Variants in ZFHX4 observed in about 807,000 individuals in gnomAD.
The protein encoded by ZFHX4 is zinc finger homeobox protein 4.
In ZFHX4, 56 loss-of-function variants were observed where a neutral mutation model predicts 267.6. The observed-to-expected ratio is 0.21, with a 90% CI of 0.17 to 0.26. The LOEUF (loss-of-function observed/expected upper bound fraction) is 0.26, where lower values mean the gene tolerates loss of function less well. Ranked by LOEUF, ZFHX4 falls within the 10% of genes least tolerant of loss-of-function variation. The probability of loss-of-function intolerance (pLI) is 1.00; values close to 1 mark genes in which losing one functional copy is unlikely to be tolerated. For synonymous variants in ZFHX4, 1,778 were observed against 1,665.6 expected (o/e 1.07, Z -1.64); for missense variants, 4,332 against 4,420.0 (o/e 0.98, Z 0.56).
chr8:76,689,001 C>T (rs903341697), intron 1 of ZFHX4, among the ~76,000 whole-genome samples: 1 of 152,012 alleles, frequency 6.6e-6, no homozygotes, highest in Non-Finnish European at 1.5e-5. Context: ...TTGAGTACAG[C>T]ATATTGTAAA....
chr8:76,818,330 C>T (rs550532594), intron 4 of ZFHX4, among the ~76,000 whole-genome samples: 43 of 151,954 alleles, frequency 2.8e-4, no homozygotes, highest in Non-Finnish European at 5.6e-4. Context: ...GATAAGACTG[C>T]GGGAGAAGCA....
At chr8:76,702,390 T>C (rs559859795) in intron 1 of ZFHX4, among the ~76,000 whole-genome samples, 29 of 152,310 alleles carry the variant, frequency 1.9e-4, no homozygotes, top group African/African-American at 6.7e-4. Flanking sequence ...CCTGACAAGA[T>C]TGGATTTGAT....
intron 3 of ZFHX4, among the ~76,000 whole-genome samples, chr8:76,760,790 A>C (rs1308097968): frequency 1.3e-5 from 2 of 152,032 alleles, no homozygotes; most frequent in Non-Finnish European, 2.9e-5. Flanking sequence ...TTAGCTGGGC[A>C]TAGTGGCACA....
intron 3 of ZFHX4, among the ~76,000 whole-genome samples, chr8:76,710,405 T>G (rs1808393036): frequency 6.6e-6 from 1 of 152,334 alleles, no homozygotes; most frequent in Non-Finnish European, 1.5e-5. Context: ...ATTAGCAAGC[T>G]TGGTTGGCTT....
chr8:76,750,844 C>G (rs1481985921), intron 3 of ZFHX4, among the ~76,000 whole-genome samples: 3 of 152,082 alleles, frequency 2.0e-5, no homozygotes, highest in Admixed American at 6.6e-5. Context: ...CTAAACAATT[C>G]TAAACTTCAT....
intron 6 of ZFHX4, among the ~76,000 whole-genome samples, chr8:76,846,314 G>T (rs1295613395): frequency 6.6e-6 from 1 of 151,984 alleles, no homozygotes; most frequent in South Asian, 2.1e-4. Context: ...TACTATCAGT[G>T]CCATGCATTT....
chr8:76,800,458 A>G (rs1811090491), intron 4 of ZFHX4, among the ~76,000 whole-genome samples: 1 of 152,180 alleles, frequency 6.6e-6, no homozygotes, highest in South Asian at 2.1e-4. Flanking sequence ...ACTTGAAGAT[A>G]GGCATTTCCT....
At position 76,827,407 on chromosome 8, in the gene ZFHX4, G is replaced by A. The variant is rs112607570; in HGVS notation, c.3326-5931G>A. ...CACGGACCAGGAGCGAGCCACAGCC[G>A]CAGGGTTAGGGACCCCTGCTATAAG... is the stretch of plus-strand genomic sequence containing the variant. On this transcript the variant is annotated intron_variant, in intron 4 of 10. Coordinates refer to ENST00000651372, the MANE Select transcript of ZFHX4 (RefSeq NM_024721.5). Among the ~76,000 whole-genome samples the A allele has an allele frequency of 3.1e-3, 473 of 152,270 alleles. 3 individuals carry two copies. Among genetic ancestry groups the A allele is most frequent in the African/African-American group, 0.011 (451 of 41,560 alleles).
rs1394274807 is a variant in ZFHX4, at chr8:76,705,871, C to G, written c.1783C>G (p.Pro595Ala). 6.2e-7 allele frequency: 1 copy of G among 1,613,640 alleles called. No homozygotes were observed. The highest frequency in any genetic ancestry group is 8.5e-7 in the Non-Finnish European group (1 of 1,179,864). Residue 595 changes from proline to alanine, a missense_variant, in exon 2 of 11, where the codon CCG becomes GCG. Physicochemically the swap from Pro to Ala is conservative, Grantham distance 27 (BLOSUM62 -1). This residue lies in a region of ZFHX4 where 1,195 missense variants were observed against 1,173.6 expected (regional missense o/e 1.02). Transcript: ENST00000651372. ...SATPHQHGFTPSTPGTPGPGG... is the reference protein window; with the variant it reads ...SATPHQHGFTASTPGTPGPGG... ...CACTCCTCACCAGCATGGCTTTACC[C>G]CGAGTACTCCTGGCACACCAGGGCC...
chr8:76,864,229 G>T lies in ZFHX4; in HGVS notation c.10515G>T (p.Ser3505=), dbSNP rs995552891. 6.2e-7 allele frequency: 1 copy of T among 1,613,824 alleles called. No homozygotes were observed. The highest frequency in any genetic ancestry group is 1.3e-5 in the African/African-American group (1 of 75,020). ...CTAATCCTAACACCACATCTACCTC[G>T]CAGTCTGCAGCTTCTTCTAATAACA... ...CSPNPNTTST[S]QSAASSNNTY... The change falls in exon 11 of 11, where the codon TCG becomes TCT. Residue 3505 remains serine (S), a synonymous_variant. Transcript: ENST00000651372.
intron 9 of ZFHX4, 40 bp from the exon 10 acceptor site, chr8:76,850,846 T>G: frequency 3.4e-6 from 5 of 1,471,234 alleles, no homozygotes; most frequent in Non-Finnish European, 4.5e-6. Flanking sequence ...GGAGTAGGTT[T>G]TCTTATTGTA....
intron 1 of ZFHX4, among the ~76,000 whole-genome samples, chr8:76,694,698 G>A (rs1160880670): frequency 1.5e-5 from 1 of 68,344 alleles, no homozygotes; most frequent in Non-Finnish European, 2.7e-5. Flanking sequence ...TCCCGCCCCC[G>A]CCTCTGCCCC....
intron 3 of ZFHX4, among the ~76,000 whole-genome samples, chr8:76,774,670 T>A (rs1810358332): frequency 6.6e-6 from 1 of 152,094 alleles, no homozygotes; most frequent in African/African-American, 2.4e-5. Flanking sequence ...GAATTGAAAT[T>A]TATGATTTTT....
chr8:76,813,486 T>C (rs951543249), intron 4 of ZFHX4, among the ~76,000 whole-genome samples: 4 of 152,188 alleles, frequency 2.6e-5, no homozygotes. Flanking sequence ...AAATCAACTT[T>C]ATTTAAAAAC....
chr8:76,734,727 T>G (rs1809113005), intron 3 of ZFHX4, among the ~76,000 whole-genome samples: 1 of 152,108 alleles, frequency 6.6e-6, no homozygotes, highest in Non-Finnish European at 1.5e-5. Context: ...TCAGTGTGCT[T>G]TCAAATATTC....
chr8:76,803,314 A>G (rs1192813928), intron 4 of ZFHX4, among the ~76,000 whole-genome samples: 3 of 151,958 alleles, frequency 2.0e-5, no homozygotes, highest in Admixed American at 2.0e-4. Context: ...GTAAGGTGGC[A>G]TATGTAGCAG....
At chr8:76,823,300 T>C (rs1174148836) in intron 4 of ZFHX4, among the ~76,000 whole-genome samples, 3 of 152,136 alleles carry the variant, frequency 2.0e-5, no homozygotes, top group Non-Finnish European at 4.4e-5. Context: ...AAAAAATAAA[T>C]TGGCTATGTC....
chr8:76,736,051 G>A (rs1343558540), intron 3 of ZFHX4, among the ~76,000 whole-genome samples: 1 of 151,672 alleles, frequency 6.6e-6, no homozygotes, highest in African/African-American at 2.4e-5. Context: ...ACTCATCTTT[G>A]CCTTATTTAT....
chr8:76,810,149 A>C (rs564429921), intron 4 of ZFHX4, among the ~76,000 whole-genome samples: 1 of 152,166 alleles, frequency 6.6e-6, no homozygotes, highest in African/African-American at 2.4e-5. Context: ...TGTTCTGCAA[A>C]TTCATTCTTA....
Sources: gnomAD v4.1 joint callset for allele counts (sites outside exome capture counted in the v4.1 genomes callset) on GRCh38, gnomAD v4.1.1 for gene constraint, gnomAD v4.1.1 regional missense constraint, MANE v1.5 for transcripts, NCBI Gene and HGNC (gene_info 2026-07-23, HGNC 2026-07-21) for gene names.